ABCD2: variants seen among roughly 807,000 people sequenced by gnomAD.
ABCD2 encodes ATP-binding cassette sub-family D member 2.
Under a neutral mutation model 70.9 loss-of-function variants are expected in ABCD2, and 36 were observed. The ratio of observed to expected loss-of-function variants is 0.51; its 90% CI spans 0.39 to 0.67. ABCD2 has a LOEUF of 0.67. Among genes scored for constraint, ABCD2 ranks in the 30% least tolerant of loss-of-function variants. The pLI, the probability that ABCD2 is intolerant of heterozygous loss-of-function variation, is 0.00. For synonymous variants in ABCD2, 304 were observed against 306.9 expected (o/e 0.99, Z 0.10); for missense variants, 729 against 890.2 (o/e 0.82, Z 2.30).
intron 8 of ABCD2, 103 bp downstream of exon 8, chr12:39,579,432 A>T: frequency 1.3e-6 from 1 of 748,518 alleles, no homozygotes; most frequent in Non-Finnish European, 2.3e-6. Context: ...TTTTTAAGCT[A>T]CAGATGAAGA....
chr12:39,594,324 T>A (rs1013108965), intron 6 of ABCD2, among the ~76,000 whole-genome samples: 1 of 147,690 alleles, frequency 6.8e-6, no homozygotes, highest in Non-Finnish European at 1.5e-5. Context: ...CTTTATAGGT[T>A]GTCATACAGA....
In ABCD2 at chr12:39,618,779, G is replaced by A. The variant is rs1175583351; in HGVS notation, c.837C>T (p.Gly279=). Residue 279 remains glycine, a synonymous_variant, in exon 1 of 10, where the codon GGC becomes GGT. Coordinates refer to ENST00000308666, the MANE Select transcript of ABCD2 (RefSeq NM_005164.4). ...KVLKACSPKF[G]KLVAEEAHRK... ...TATGTGCTTCCTCTGCCACCAGTTT[G>A]CCAAATTTGGGAGAACAGGCTTTTA... 5 of 1,614,054 alleles carry A rather than the reference G, an allele frequency of 3.1e-6. No homozygotes were observed. The Admixed American group carries it at 5.0e-5, about 16-fold the overall frequency.
intron 2 of ABCD2, among the ~76,000 whole-genome samples, chr12:39,608,528 A>G (rs1359753557): frequency 6.6e-6 from 1 of 151,860 alleles, no homozygotes; most frequent in Middle Eastern, 3.2e-3. Flanking sequence ...CTCTACCAAA[A>G]AAAACGAAGA....
chr12:39,600,967 T>C (rs924161282), intron 5 of ABCD2, among the ~76,000 whole-genome samples: 2 of 152,050 alleles, frequency 1.3e-5, no homozygotes, highest in Admixed American at 6.6e-5. Context: ...CTTTCCAAAA[T>C]TGTAATTTGT....
intron 9 of ABCD2, among the ~76,000 whole-genome samples, chr12:39,566,934 A>G (rs1267408300): frequency 6.6e-6 from 1 of 152,128 alleles, no homozygotes; most frequent in Non-Finnish European, 1.5e-5. Context: ...CATGTAGTTT[A>G]GCGGTTTTGA....
chr12:39,538,717 A>G, the ABCD2 span, among the ~76,000 whole-genome samples: 1 of 152,212 alleles, frequency 6.6e-6, no homozygotes, highest in Non-Finnish European at 1.5e-5. Context: ...TCGCAGACCC[A>G]GTCCCAAGGC....
In ABCD2 at chr12:39,586,239, C is replaced by T. The variant is rs745683523; in HGVS notation, c.1705G>A (p.Asp569Asn). ...DQVIYPDSVD[D>N]MHDKGYTDQD... ...TCTGTATAACCTTTATCATGCATATCATCCACTGAATCAGGGTAAATGACT... is the reference window on the plus strand; with the variant it reads ...TCTGTATAACCTTTATCATGCATATTATCCACTGAATCAGGGTAAATGACT... The change falls in exon 7 of 10, where the codon GAT becomes AAT. Residue 569 changes from aspartate (D) to asparagine (N), a missense_variant. By Grantham distance (23) the Asp-to-Asn change is conservative. Transcript: ENST00000308666. 70 of 1,613,550 alleles carry T rather than the reference C, an allele frequency of 4.3e-5. No homozygotes were observed. The highest frequency in any genetic ancestry group is 5.8e-5 in the Non-Finnish European group (69 of 1,179,642).
the ABCD2 span, among the ~76,000 whole-genome samples, chr12:39,531,294 C>T: frequency 2.6e-5 from 4 of 152,154 alleles, no homozygotes; most frequent in Non-Finnish European, 4.4e-5. Context: ...AAAATTGCTG[C>T]GTTAAAACCT....
intron 6 of ABCD2, among the ~76,000 whole-genome samples, chr12:39,595,839 A>C (rs1248804684): frequency 6.6e-6 from 1 of 152,194 alleles, no homozygotes; most frequent in Non-Finnish European, 1.5e-5. Flanking sequence ...TTAGCACATA[A>C]AATTGTGTCA....
At chr12:39,547,674 G>A (rs1941038867), downstream of ABCD2, among the ~76,000 whole-genome samples, 1 of 152,100 alleles carries the variant, frequency 6.6e-6, no homozygotes, top group African/African-American at 2.4e-5. Context: ...AGAAAAAGGA[G>A]AGTTTAATGG....
chr12:39,603,936 C>A lies in ABCD2; in HGVS notation c.1476G>T (p.Val492=), dbSNP rs765001396. 1.2e-6 allele frequency: 2 copies of A among 1,611,836 alleles called. No homozygotes were observed. Among genetic ancestry groups the A allele is most frequent in the South Asian group, 2.2e-5 (2 of 90,950 alleles). Residue 492 remains valine (V), a synonymous_variant, in exon 5 of 10, where the codon GTG becomes GTT. Transcript: ENST00000308666. The part of the protein sequence containing the change: ...NVPIITPAGE[V]VASRLNFKVE... ...CTTTGAAGTTTAGCCTGGAAGCCAC[C>A]ACTTCTCCTGCTGGTGTAATTATGG...
At chr12:39,549,118 A>G (rs1322751500), downstream of ABCD2, among the ~76,000 whole-genome samples, 1 of 152,016 alleles carries the variant, frequency 6.6e-6, no homozygotes, top group Non-Finnish European at 1.5e-5. Context: ...TCAAGACAAC[A>G]TGCTAAATAC....
At chr12:39,534,293 C>T in the ABCD2 span, among the ~76,000 whole-genome samples, 7 of 152,294 alleles carry the variant, frequency 4.6e-5, no homozygotes, top group South Asian at 4.1e-4. Flanking sequence ...TTCAGTTAAA[C>T]ACAATTTGAA....
rs76937264 is a variant in ABCD2 at position 39,569,131 on chromosome 12, A to G, written c.2003+4585T>C. On this transcript the variant is annotated intron_variant, in intron 9 of 9. Coordinates refer to ENST00000308666, the MANE Select transcript of ABCD2 (RefSeq NM_005164.4). ...CTCAGATCTCCAGCTGTGTGCTGTG[A>G]GAACCACTGCTCTCTTCAAAGTTGT... Among the ~76,000 whole-genome samples, 374 of 152,338 alleles carry G rather than the reference A, an allele frequency of 2.5e-3. 2 individuals are homozygous for G. The highest frequency in any genetic ancestry group is 8.5e-3 in the African/African-American group (354 of 41,582).
chr12:39,555,569 A>T (rs759762212), intron 9 of ABCD2, among the ~76,000 whole-genome samples: 2 of 152,170 alleles, frequency 1.3e-5, no homozygotes, highest in Non-Finnish European at 2.9e-5. Flanking sequence ...CCAACCACAA[A>T]GTGCACAGCT....
At chr12:39,578,249 C>T (rs796253167) in intron 8 of ABCD2, among the ~76,000 whole-genome samples, 41 of 152,076 alleles carry the variant, frequency 2.7e-4, no homozygotes, top group Admixed American at 1.7e-3. Flanking sequence ...CCGAGGCGGG[C>T]GGATCACGAG....
chr12:39,538,335 T>C, the ABCD2 span, among the ~76,000 whole-genome samples: 1 of 150,146 alleles, frequency 6.7e-6, no homozygotes, highest in Non-Finnish European at 1.5e-5. Flanking sequence ...TGCCTGGATA[T>C]TTTTTTTATT....
intron 7 of ABCD2, among the ~76,000 whole-genome samples, chr12:39,584,822 G>A (rs972221124): frequency 3.9e-5 from 6 of 152,066 alleles, no homozygotes; most frequent in African/African-American, 1.4e-4. Context: ...AAGATTAGAT[G>A]GTTGTAGATG....
rs1322698299 is a variant in ABCD2, at chr12:39,563,440, C to T, written c.2004-9309G>A. Among the ~76,000 whole-genome samples the T allele has an allele frequency of 2.0e-5, 3 of 151,918 alleles. No homozygotes were observed. In the East Asian group the frequency reaches 5.8e-4, roughly 29 times the overall value. ...AACATGTTTTCTGTAAGATACGGAA[C>T]AAGGTAAGAATAAGAACGCTCACTT... On this transcript the variant is annotated intron_variant, in intron 9 of 9. Coordinates refer to ENST00000308666, the MANE Select transcript of ABCD2 (RefSeq NM_005164.4).
Sources: allele counts gnomAD v4.1 joint callset (sites outside exome capture counted in the v4.1 genomes callset), GRCh38; gene constraint gnomAD v4.1.1; transcripts MANE v1.5; gene names NCBI Gene and HGNC (gene_info 2026-07-23, HGNC 2026-07-21).